Variants in DPP10 observed in about 807,000 individuals in gnomAD.
DPP10 encodes dipeptidyl peptidase like 10, also known as inactive dipeptidyl peptidase 10.
DPP10 carries 33 observed loss-of-function variants against 120.9 expected under a neutral mutation model. The ratio of observed to expected loss-of-function variants is 0.27; its 90% confidence interval spans 0.21 to 0.37. DPP10 has a LOEUF of 0.37. DPP10 is among the 10% of genes least tolerant of loss of function. The pLI is 1.00. For synonymous variants in DPP10, 337 were observed against 326.1 expected, an observed-to-expected ratio of 1.03 and a Z score of -0.36; for missense variants, 816 against 942.8, an observed-to-expected ratio of 0.87 and a Z score of 1.76.
At chr2:115,616,648 C>T (rs1382639415) in intron 5 of DPP10, among the ~76,000 whole-genome samples, 2 of 152,034 alleles carry the variant, frequency 1.3e-5, no homozygotes, top group African/African-American at 4.8e-5. Flanking sequence ...TGGCCATAAC[C>T]TCTCTCTGGA....
At chr2:115,543,456 A>G (rs1009349966) in intron 5 of DPP10, among the ~76,000 whole-genome samples, 2 of 152,076 alleles carry the variant, frequency 1.3e-5, no homozygotes, top group African/African-American at 2.4e-5. Context: ...AAACATGCCA[A>G]TATCAATAAA....
chr2:115,196,513 C>T (rs1182094908), intron 1 of DPP10, among the ~76,000 whole-genome samples: 9 of 152,132 alleles, frequency 5.9e-5, no homozygotes, highest in Admixed American at 5.9e-4. Context: ...TATTGCAGAG[C>T]TTCCTGCTTC....
In DPP10 at chr2:115,817,019, C is replaced by T. The variant is rs574509688; in HGVS notation, c.1950+1290C>T. Among the ~76,000 whole-genome samples the T allele has an allele frequency of 2.8e-3, 424 of 150,372 alleles. 2 individuals are homozygous for T. Among genetic ancestry groups the T allele is most frequent in the African/African-American group, 9.4e-3 (386 of 41,140 alleles). ...ATCCCAGCACTTTGGGAGGCCAAGG[C>T]GGGAGGATCATGAGGTCAGGAGATA... On this transcript the variant is annotated intron_variant, in intron 21 of 25. Transcript: ENST00000410059.
chr2:114,827,034 G>A (rs1402709075), intron 1 of DPP10, among the ~76,000 whole-genome samples: 8 of 152,046 alleles, frequency 5.3e-5, no homozygotes, highest in East Asian at 1.9e-4. Context: ...GGTGGTGAAC[G>A]TCAGAGAGTG....
intron 1 of DPP10, among the ~76,000 whole-genome samples, chr2:114,451,492 C>A (rs1246740008): frequency 6.6e-6 from 1 of 151,810 alleles, no homozygotes; most frequent in East Asian, 1.9e-4. Flanking sequence ...AAAACCCAAG[C>A]CAGAACTCTA....
chr2:114,764,452 T>G (rs540102650), intron 1 of DPP10, among the ~76,000 whole-genome samples: 3 of 152,104 alleles, frequency 2.0e-5, no homozygotes, highest in Non-Finnish European at 2.9e-5. Flanking sequence ...TTAGAATTGT[T>G]CCAGACTTTT....
At chr2:114,648,066 C>T (rs1272741390) in intron 1 of DPP10, among the ~76,000 whole-genome samples, 2 of 152,084 alleles carry the variant, frequency 1.3e-5, no homozygotes, top group African/African-American at 4.8e-5. Flanking sequence ...GCTTGAAGCT[C>T]CCTTCATAGA....
intron 1 of DPP10, among the ~76,000 whole-genome samples, chr2:114,525,130 C>G (rs1685395027): frequency 6.6e-6 from 1 of 152,180 alleles, no homozygotes; most frequent in Admixed American, 6.5e-5. Flanking sequence ...CCTCCAGAAA[C>G]TGTATCCTAT....
intron 3 of DPP10, among the ~76,000 whole-genome samples, chr2:115,348,535 G>A (rs1323648315): frequency 9.9e-5 from 15 of 151,698 alleles, no homozygotes; most frequent in East Asian, 1.9e-4. Flanking sequence ...GAGTGCATGT[G>A]CAGGTTTGTT....
chr2:115,036,808 GA>G (rs1704256240), intron 1 of DPP10, among the ~76,000 whole-genome samples: 1 of 151,956 alleles, frequency 6.6e-6, no homozygotes, highest in Non-Finnish European at 1.5e-5. Context: ...TTTCTTTTAG[GA>G]GAATGAAAGA....
At chr2:115,570,069 T>G (rs1259283693) in intron 5 of DPP10, among the ~76,000 whole-genome samples, 1 of 152,206 alleles carries the variant, frequency 6.6e-6, no homozygotes, top group Non-Finnish European at 1.5e-5. Context: ...AAGAAAATTC[T>G]AGGAAACATA....
At chr2:114,461,464 C>T (rs1265099869) in intron 1 of DPP10, 3 of 543,382 alleles carry the variant, frequency 5.5e-6, no homozygotes, top group African/African-American at 2.1e-5. Context: ...TTCAAGGTTG[C>T]CTTTACTTAG....
At chr2:115,631,543 A>T (rs1006353653) in intron 5 of DPP10, among the ~76,000 whole-genome samples, 1 of 152,066 alleles carries the variant, frequency 6.6e-6, no homozygotes, top group Non-Finnish European at 1.5e-5. Flanking sequence ...TGATGTGGAC[A>T]TTTTAGTGCT....
rs543699168 is a variant in DPP10, at chr2:115,532,376, C to T, written c.441+6404C>T. Among the ~76,000 whole-genome samples, 13 of 152,028 alleles carry T rather than the reference C, an allele frequency of 8.6e-5. No homozygotes were observed. In the South Asian group the frequency reaches 1.9e-3, roughly 22 times the overall value. Reference sequence around the variant, plus strand: ...CTTAGCTCCAAAGTCCCTAGCTTTTCGATTACTTTGTCATTTTCAGAAAGT... The same window carrying T: ...CTTAGCTCCAAAGTCCCTAGCTTTTTGATTACTTTGTCATTTTCAGAAAGT... On this transcript the variant is annotated intron_variant, in intron 5 of 25. Coordinates refer to ENST00000410059, the MANE Select transcript of DPP10 (RefSeq NM_020868.6).
intron 11 of DPP10, among the ~76,000 whole-genome samples, chr2:115,758,562 G>A (rs1038992131): frequency 6.6e-6 from 1 of 151,910 alleles, no homozygotes; most frequent in Non-Finnish European, 1.5e-5. Context: ...ACCAATTAAA[G>A]TCCCTTCTGA....
intron 3 of DPP10, chr2:115,441,036 G>A (rs1433723608): frequency 6.6e-6 from 1 of 152,122 alleles, no homozygotes; most frequent in Non-Finnish European, 1.5e-5. Flanking sequence ...GCTAGAGAGA[G>A]TCTTATTTAC....
chr2:115,457,687 T>G (rs1044660601), intron 3 of DPP10, among the ~76,000 whole-genome samples: 1 of 142,722 alleles, frequency 7.0e-6, no homozygotes, highest in African/African-American at 2.5e-5. Context: ...ATTGGCAAAA[T>G]GCGGAGAGAC....
At chr2:114,622,537 G>A (rs1411186034) in intron 1 of DPP10, among the ~76,000 whole-genome samples, 1 of 151,112 alleles carries the variant, frequency 6.6e-6, no homozygotes, top group Non-Finnish European at 1.5e-5. Context: ...GCTTTTCTTT[G>A]TAGGACTGTC....
intron 1 of DPP10, among the ~76,000 whole-genome samples, chr2:114,858,141 C>T (rs912840964): frequency 6.6e-6 from 1 of 152,028 alleles, no homozygotes; most frequent in African/African-American, 2.4e-5. Flanking sequence ...AGATGCACGC[C>T]GCCACACTCG....
Sources: allele counts gnomAD v4.1 joint callset (sites outside exome capture counted in the v4.1 genomes callset), GRCh38; gene constraint gnomAD v4.1.1; transcripts MANE v1.5; gene names NCBI Gene and HGNC (gene_info 2026-07-23, HGNC 2026-07-21).